The following XKR5 variants were observed in gnomAD, a reference collection of about 807,000 sequenced individuals.
The protein encoded by XKR5 is XK related 5.
XKR5 carries 46 observed loss-of-function variants against 40.8 expected under a neutral mutation model. The ratio of observed to expected loss-of-function variants is 1.13; its 90% CI spans 0.89 to 1.44. The LOEUF is 1.44. Ranked by LOEUF, XKR5 falls within the 40% of genes most tolerant of loss-of-function variation. The probability of loss-of-function intolerance (pLI) is 0.00; values close to 1 mark genes in which losing one functional copy is unlikely to be tolerated. For synonymous variants in XKR5, 466 were observed against 356.1 expected (o/e 1.31, Z -3.48); for missense variants, 1,169 against 844.7 (o/e 1.38, Z -4.76).
intron 2 of XKR5, among the ~76,000 whole-genome samples, chr8:6,830,259 A>T (rs191540709): frequency 2.5e-4 from 38 of 152,350 alleles, no homozygotes; most frequent in Admixed American, 7.2e-4. Flanking sequence ...AAATTGTGCC[A>T]AACGCAATTG....
rs995618859 is a variant in XKR5, at chr8:6,808,546, T to A, written c.*2652A>T. On this transcript the variant is annotated 3_prime_UTR_variant, in exon 7 of 7. Transcript: ENST00000618742. Reference sequence around the variant, plus strand: ...TGAATTAAGTGTCCATTTATTAGTCTTCTCTAATAAATATAGTGTATATTT... The same window carrying A: ...TGAATTAAGTGTCCATTTATTAGTCATCTCTAATAAATATAGTGTATATTT... 2 of 152,218 alleles carry A rather than the reference T, an allele frequency of 1.3e-5. No individual in the cohort carries two copies. Among genetic ancestry groups the A allele is most frequent in the African/African-American group, 4.8e-5 (2 of 41,454 alleles). The allele number at this position is 152,218 out of a possible 1,614,324, so 9.4% of individuals were successfully genotyped here. A position where few individuals can be genotyped will look rare whatever the true frequency, so the allele number is the denominator to read the frequency against.
chr8:6,829,157 T>C (rs62498864), intron 2 of XKR5: 28,554 of 167,636 alleles, frequency 0.17, 2,621 homozygotes, highest in East Asian at 0.33. Context: ...ATGCTGAACC[T>C]GTCTTACATA....
intron 6 of XKR5, among the ~76,000 whole-genome samples, chr8:6,814,145 G>A (rs2553719): frequency 0.019 from 2,946 of 152,294 alleles, 87 homozygotes; most frequent in African/African-American, 0.067. Context: ...CCCGGGCAGC[G>A]CGATGTCCTC....
intron 4 of XKR5, among the ~76,000 whole-genome samples, chr8:6,822,826 A>G (rs1056952538): frequency 3.3e-5 from 5 of 152,280 alleles, no homozygotes; most frequent in Admixed American, 3.3e-4. Context: ...GAGGGCTTGG[A>G]TTTAGTGGAG....
chr8:6,832,654 A>C, intron 2 of XKR5, 63 bp downstream of exon 2: 1 of 1,584,424 alleles, frequency 6.3e-7, no homozygotes, highest in Non-Finnish European at 8.6e-7. Context: ...ACATGGAGAG[A>C]AGATTCCTCT....
rs200084917 is a variant in XKR5, at chr8:6,823,530, C to T, written c.628G>A (p.Val210Met). Residue 210 changes from valine (V) to methionine (M), a missense_variant, in exon 4 of 7, where the codon GTG (valine) becomes ATG (methionine). Val to Met is a conservative substitution (Grantham distance 21, BLOSUM62 1). Coordinates refer to ENST00000618742, the MANE Select transcript of XKR5 (RefSeq NM_207411.5). Reference protein sequence around the residue: ...FYKAYHFWVFVVAGAHWLVMT... With the variant: ...FYKAYHFWVFMVAGAHWLVMT... Reference sequence around the variant, plus strand: ...CATTAGCTCAGCTCACCTGCAACCACAAAAACCCAAAAGTGGTAGGCTTTG... The same window carrying T: ...CATTAGCTCAGCTCACCTGCAACCATAAAAACCCAAAAGTGGTAGGCTTTG... 7.6e-6 allele frequency: 12 copies of T among 1,586,444 alleles called. No homozygotes were observed. In the East Asian group the frequency reaches 2.1e-4, roughly 27 times the overall value.
intron 2 of XKR5, among the ~76,000 whole-genome samples, chr8:6,829,524 T>G (rs1804663227): frequency 6.6e-6 from 1 of 152,180 alleles, no homozygotes; most frequent in Non-Finnish European, 1.5e-5. Context: ...TTATATTTAT[T>G]TATTTATTTG....
At position 6,811,020 on chromosome 8, in the gene XKR5, T is replaced by C. The variant is rs772499678; in HGVS notation, c.*178A>G. 2 of 647,698 alleles carry C rather than the reference T, an allele frequency of 3.1e-6. No homozygotes were observed. Among genetic ancestry groups the C allele is most frequent in the Admixed American group, 3.1e-5 (1 of 32,650 alleles). The allele number at this position is 647,698 out of a possible 1,614,324, so 40.1% of individuals were successfully genotyped here. The stretch of plus-strand genomic sequence containing the variant: ...ATGGGTGGGGTCTGTGATGTTTGCA[T>C]TGGACCTGCAAAATCATCCAGCCCT... On this transcript the variant is annotated 3_prime_UTR_variant, in exon 7 of 7. Coordinates refer to ENST00000618742, the MANE Select transcript of XKR5 (RefSeq NM_207411.5).
At chr8:6,821,787 C>A in intron 5 of XKR5, 82 bp downstream of exon 5, 9 of 1,296,118 alleles carry the variant, frequency 6.9e-6, no homozygotes, top group Non-Finnish European at 9.5e-6. Context: ...TGCACACACA[C>A]ACACACCCCC....
chr8:6,811,286 C>T lies in XKR5; in HGVS notation c.1973G>A (p.Cys658Tyr). Residue 658 changes from cysteine (C) to tyrosine (Y), a missense_variant, in exon 7 of 7, where the codon TGC becomes TAC. Transcript: ENST00000618742. ...CTCAGACTTAGGGGTGGACGTGAGG[C>T]AGGGCTCATGGGCAGTCCTCAGCTG... ...LPQLRTAHEP[C>Y]LTSTPKSESI... is the part of the protein sequence containing the mutation. 6.5e-7 allele frequency: 1 copy of T among 1,537,332 alleles called. No individual in the cohort carries two copies. The highest frequency in any genetic ancestry group is 8.7e-7 in the Non-Finnish European group (1 of 1,146,938).
At position 6,815,910 on chromosome 8, in the gene XKR5, C is replaced by T. The variant is rs747184877; in HGVS notation, c.816G>A (p.Leu272=). The T allele has an allele frequency of 6.9e-6, 11 of 1,599,070 alleles. No individual in the cohort carries two copies. The African/African-American group carries it at 1.2e-4, about 18-fold the overall frequency. The change falls in exon 6 of 7, where the codon CTG becomes CTA. Residue 272 remains leucine, a synonymous_variant. Coordinates refer to ENST00000618742, the MANE Select transcript of XKR5 (RefSeq NM_207411.5). ...ACAGCAACAGGATGATGTTCTCCAA[C>T]AGCATGACCTGCGGGACCCAGGACA... ...NRMVTFYMVM[L]LENIILLLLA...
chr8:6,828,013 G>A (rs1804594604), intron 2 of XKR5, among the ~76,000 whole-genome samples: 1 of 152,086 alleles, frequency 6.6e-6, no homozygotes, highest in African/African-American at 2.4e-5. Flanking sequence ...GGCTGCAAGT[G>A]AGCCATAATT....
chr8:6,826,879 G>A (rs1310348811), intron 2 of XKR5, among the ~76,000 whole-genome samples: 2 of 152,156 alleles, frequency 1.3e-5, no homozygotes, highest in Non-Finnish European at 1.5e-5. Flanking sequence ...TACAGGATGG[G>A]GTGGCCCAGG....
rs775641961 is a variant in XKR5, at chr8:6,832,825, G to A, written c.134C>T (p.Pro45Leu). 7 of 1,612,246 alleles carry A rather than the reference G, an allele frequency of 4.3e-6. No homozygotes were observed. The African/African-American group carries it at 9.4e-5, about 22-fold the overall frequency. The change falls in exon 2 of 7, where the codon CCC (proline) becomes CTC (leucine). Residue 45 changes from proline (P) to leucine (L), a missense_variant. Transcript: ENST00000618742. ...WGWLALAVLL[P>L]GFLVQALSYL... is the part of the protein sequence containing the mutation. ...GCTCAGGGCCTGGACCAAGAACCCG[G>A]GCAGGAGGACAGCAAGGGCCAGCCA...
At chr8:6,815,644 T>C (rs901368902) in intron 6 of XKR5, among the ~76,000 whole-genome samples, 163 bp downstream of exon 6, 3 of 152,042 alleles carry the variant, frequency 2.0e-5, no homozygotes, top group African/African-American at 7.2e-5. Flanking sequence ...CAGTATCTCA[T>C]GCTCTGATGG....
rs952274073 is a variant in XKR5, at chr8:6,809,280, A to G, written c.*1918T>C. Reference sequence around the variant, plus strand: ...AGCACAGTGAATGGAACTATGAATGATTTTGTTCTATTAACAAGCTTTTTT... The same window carrying G: ...AGCACAGTGAATGGAACTATGAATGGTTTTGTTCTATTAACAAGCTTTTTT... On this transcript the variant is annotated 3_prime_UTR_variant, in exon 7 of 7. Transcript: ENST00000618742. The G allele has an allele frequency of 6.9e-6, 1 of 144,850 alleles. No homozygotes were observed. Among genetic ancestry groups the G allele is most frequent in the African/African-American group, 2.6e-5 (1 of 37,842 alleles). 9.0% of individuals were successfully genotyped at this position (144,850 alleles called of 1,614,324 possible).
intron 5 of XKR5, among the ~76,000 whole-genome samples, chr8:6,819,219 C>A (rs1436268793): frequency 6.6e-6 from 1 of 152,212 alleles, no homozygotes; most frequent in African/African-American, 2.4e-5. Context: ...CTTCTGGGGC[C>A]CATCCAGGGC....
rs950790055 is a variant in XKR5, at chr8:6,809,531, T to G, written c.*1667A>C. On this transcript the variant is annotated 3_prime_UTR_variant, in exon 7 of 7. Transcript: ENST00000618742. ...CTCGAACTTCTGGCCTCAAGTGATC[T>G]TCCCGCCTCAGCCTCTCAAAGTGCT... 1 of 152,104 alleles carries G rather than the reference T, an allele frequency of 6.6e-6. No homozygotes were observed. Among genetic ancestry groups the G allele is most frequent in the Non-Finnish European group, 1.5e-5 (1 of 68,040 alleles). The allele number at this position is 152,104 out of a possible 1,614,324, so 9.4% of individuals were successfully genotyped here. A position where few individuals can be genotyped will look rare whatever the true frequency, so the allele number is the denominator to read the frequency against.
chr8:6,814,811 T>C (rs1050376694), intron 6 of XKR5, among the ~76,000 whole-genome samples: 7 of 152,152 alleles, frequency 4.6e-5, no homozygotes, highest in African/African-American at 1.7e-4. Flanking sequence ...GAAGCCACAG[T>C]GTGTGACATT....
Sources: allele counts gnomAD v4.1 joint callset (sites outside exome capture counted in the v4.1 genomes callset), GRCh38; gene constraint gnomAD v4.1.1; transcripts MANE v1.5; gene names NCBI Gene and HGNC (gene_info 2026-07-23, HGNC 2026-07-21).